The following ANO1 variants were observed in gnomAD, a reference collection of about 807,000 sequenced individuals.
The protein encoded by ANO1 is anoctamin-1.
ANO1 carries 59 observed loss-of-function variants against 124.0 expected under a neutral mutation model. The ratio of observed to expected loss-of-function variants is 0.48; its 90% CI spans 0.39 to 0.59. The LOEUF is 0.59. ANO1 is among the 20% of genes least tolerant of loss of function. The pLI is 0.00. For missense variants in ANO1, 1,059 were observed against 1,328.0 expected, an observed-to-expected ratio of 0.80 and a Z score of 3.15; for synonymous variants, 529 against 532.0, an observed-to-expected ratio of 0.99 and a Z score of 0.08.
chr11:70,183,455 A>C (rs1302259084), intron 24 of ANO1, among the ~76,000 whole-genome samples: 1 of 152,038 alleles, frequency 6.6e-6, no homozygotes, highest in African/African-American at 2.4e-5. Context: ...TGCCATGAGG[A>C]GGGGGGCTCT....
At chr11:70,030,827 C>T (rs893586274) in intron 1 of ANO1, among the ~76,000 whole-genome samples, 8 of 152,152 alleles carry the variant, frequency 5.3e-5, no homozygotes, top group African/African-American at 1.2e-4. Flanking sequence ...CGATGGCCAC[C>T]CCTCCACCAG....
At chr11:69,991,076 C>G (rs1416079328) in intron 1 of ANO1, among the ~76,000 whole-genome samples, 5 of 152,204 alleles carry the variant, frequency 3.3e-5, no homozygotes, top group African/African-American at 1.2e-4. Flanking sequence ...ATGTTTTCCT[C>G]TAAGAGTTTT....
intron 4 of ANO1, among the ~76,000 whole-genome samples, chr11:70,105,490 C>T (rs1389320333): frequency 3.3e-5 from 5 of 152,172 alleles, no homozygotes; most frequent in Non-Finnish European, 5.9e-5. Flanking sequence ...GTGGTCTGAC[C>T]GTACTCGCCT....
At chr11:70,158,710 T>C (rs1292398150) in intron 16 of ANO1, among the ~76,000 whole-genome samples, 1 of 152,148 alleles carries the variant, frequency 6.6e-6, no homozygotes, top group Non-Finnish European at 1.5e-5. Context: ...ATGGAAGAAG[T>C]GGGAAGATCC....
At position 70,151,892 on chromosome 11, in the gene ANO1, G is replaced by A. The variant is rs958345917; in HGVS notation, c.1342-558G>A. ...GTCCAGCACTGAAATTTGGAAATTTGGGGAATTTCCAAAACCATGGGAAAG... is the reference window on the plus strand; with the variant it reads ...GTCCAGCACTGAAATTTGGAAATTTAGGGAATTTCCAAAACCATGGGAAAG... On this transcript the variant is annotated intron_variant, in intron 12 of 25. Coordinates refer to ENST00000355303, the MANE Select transcript of ANO1 (RefSeq NM_018043.7). 5.3e-5 allele frequency among the ~76,000 whole-genome samples: 8 copies of A among 152,180 alleles called. No homozygotes were observed. The South Asian group carries it at 1.2e-3, about 24-fold the overall frequency.
At chr11:70,058,787 T>A (rs1434168223) in intron 1 of ANO1, among the ~76,000 whole-genome samples, 1 of 152,142 alleles carries the variant, frequency 6.6e-6, no homozygotes, top group Admixed American at 6.5e-5. Context: ...AGATCATTAG[T>A]CCATTCTACC....
chr11:70,091,088 G>C (rs1043063734), intron 2 of ANO1, among the ~76,000 whole-genome samples: 2 of 152,212 alleles, frequency 1.3e-5, no homozygotes, highest in African/African-American at 4.8e-5. Flanking sequence ...AAGGCTGCTT[G>C]GGCACACGCA....
intron 1 of ANO1, among the ~76,000 whole-genome samples, chr11:70,030,925 T>C (rs1856989586): frequency 6.6e-6 from 1 of 152,126 alleles, no homozygotes; most frequent in South Asian, 2.1e-4. Context: ...CGAGGTTCAA[T>C]GTGATGTGGT....
chr11:70,048,838 G>C lies in ANO1; in HGVS notation c.59-29704G>C, dbSNP rs369705634. Reference sequence around the variant, plus strand: ...TGCTCCTCAAGAAATTATATCCCTTGGGGGGGCCTACTTGCCTCAGCAGAA... The same window carrying C: ...TGCTCCTCAAGAAATTATATCCCTTCGGGGGGCCTACTTGCCTCAGCAGAA... On this transcript the variant is annotated intron_variant, in intron 1 of 27. Transcript: ENST00000531349. 2.6e-5 allele frequency among the ~76,000 whole-genome samples: 4 copies of C among 151,960 alleles called. No homozygotes were observed. The South Asian group carries it at 6.2e-4, about 24-fold the overall frequency.
intron 11 of ANO1, among the ~76,000 whole-genome samples, chr11:70,141,914 C>T (rs2047168053): frequency 6.6e-6 from 1 of 152,232 alleles, no homozygotes; most frequent in East Asian, 1.9e-4. Flanking sequence ...TGGTCGTGGC[C>T]ACCCGCCCGC....
chr11:70,048,618 T>C (rs1857297160), intron 1 of ANO1, among the ~76,000 whole-genome samples: 2 of 151,786 alleles, frequency 1.3e-5, no homozygotes, highest in Non-Finnish European at 2.9e-5. Context: ...TCTGTCTGTC[T>C]CTCTGTCTCA....
chr11:70,031,918 C>A (rs1215649247), intron 1 of ANO1, among the ~76,000 whole-genome samples: 3 of 152,204 alleles, frequency 2.0e-5, no homozygotes, highest in African/African-American at 7.2e-5. Flanking sequence ...CCCAGGGAAT[C>A]TGTGTGGCAC....
intron 1 of ANO1, among the ~76,000 whole-genome samples, chr11:70,031,552 A>G (rs1453363739): frequency 6.6e-6 from 1 of 152,152 alleles, no homozygotes; most frequent in Non-Finnish European, 1.5e-5. Flanking sequence ...CTGTGAGTTC[A>G]ACCTTACTAG....
At chr11:69,970,446 CA>C in the ANO1 span, among the ~76,000 whole-genome samples, 1 of 152,170 alleles carries the variant, frequency 6.6e-6, no homozygotes, top group African/African-American at 2.4e-5. Context: ...CTGGGAATGT[CA>C]TGTTAGGAAA....
intron 14 of ANO1, among the ~76,000 whole-genome samples, chr11:70,155,121 C>G (rs1057458563): frequency 4.6e-5 from 7 of 152,204 alleles, no homozygotes; most frequent in African/African-American, 1.7e-4. Flanking sequence ...GCACCTCTTG[C>G]AGTGAGCATA....
chr11:70,083,089 G>T (rs1365429324), intron 1 of ANO1, among the ~76,000 whole-genome samples: 1 of 152,100 alleles, frequency 6.6e-6, no homozygotes, highest in Non-Finnish European at 1.5e-5. Flanking sequence ...TCTGGATTTG[G>T]CACTGCTACC....
chr11:70,145,107 G>A (rs2047313202), intron 11 of ANO1, among the ~76,000 whole-genome samples: 1 of 152,226 alleles, frequency 6.6e-6, no homozygotes, highest in African/African-American at 2.4e-5. Flanking sequence ...TCAGGAGCAG[G>A]AGAATTACTT....
chr11:69,985,020 C>T (rs75308053), upstream of ANO1, among the ~76,000 whole-genome samples: 5,411 of 152,310 alleles, frequency 0.036, 276 homozygotes, highest in East Asian at 0.26. Flanking sequence ...CCCACGCCCG[C>T]CCTCCGTAGG....
chr11:69,998,675 G>A (rs903908286), intron 1 of ANO1, among the ~76,000 whole-genome samples: 3 of 152,150 alleles, frequency 2.0e-5, no homozygotes, highest in African/African-American at 2.4e-5. Context: ...CTGGCCAGGC[G>A]CAGTGGCTCA....
Sources: gnomAD v4.1 joint callset for allele counts (sites outside exome capture counted in the v4.1 genomes callset) on GRCh38, gnomAD v4.1.1 for gene constraint, MANE v1.5 for transcripts, NCBI Gene and HGNC (gene_info 2026-07-23, HGNC 2026-07-21) for gene names.